EIF2AK4: variants seen among roughly 807,000 people sequenced by gnomAD.
EIF2AK4 encodes the protein eIF-2-alpha kinase GCN2.
Under a neutral mutation model 211.1 loss-of-function variants are expected in EIF2AK4, and 139 were observed. The ratio of observed to expected loss-of-function variants is 0.66; its 90% CI spans 0.57 to 0.76. The LOEUF is 0.76. EIF2AK4 is among the 30% of genes least tolerant of loss of function. EIF2AK4 has a pLI of 0.00. For synonymous variants in EIF2AK4, 710 were observed against 751.3 expected, an observed-to-expected ratio of 0.94 and a Z score of 0.90; for missense variants, 1,664 against 2,043.8, an observed-to-expected ratio of 0.81 and a Z score of 3.58.
chr15:39,998,788 A>C lies in EIF2AK4; in HGVS notation c.2922+4A>C, dbSNP rs538944963. The C allele has an allele frequency of 7.4e-5, 119 of 1,610,454 alleles. 1 individual carries two copies. The East Asian group carries it at 1.9e-3, about 25-fold the overall frequency. ...CGATGGAGAGCATGCAAAGCAGGTA[A>C]TTTTCTGATGCGTCAATTACTATGT... On this transcript the variant is annotated splice_donor_region_variant and intron_variant, in intron 20 of 38. Coordinates refer to ENST00000263791, the MANE Select transcript of EIF2AK4 (RefSeq NM_001013703.4).
chr15:40,000,877 C>A, intron 20 of EIF2AK4, 111 bp from the exon 21 acceptor site: 2 of 1,048,768 alleles, frequency 1.9e-6, no homozygotes, highest in Non-Finnish European at 1.4e-6. Flanking sequence ...CAGTTAAGTG[C>A]AAGAATAGTG....
chr15:40,000,838 TA>T lies in EIF2AK4; in HGVS notation c.2923-148del. ...TGTGGTCATAATAAAGCAGAAAAAA[TA>T]ATGACCTATTCAGAAATTTCAGAAT... On this transcript the variant is annotated intron_variant, in intron 20 of 38. Coordinates refer to ENST00000263791, the MANE Select transcript of EIF2AK4 (RefSeq NM_001013703.4). The T allele has an allele frequency of 1.3e-5, 5 of 370,958 alleles. 1 individual carries two copies. Among genetic ancestry groups the T allele is most frequent in the Non-Finnish European group, 1.4e-5 (3 of 217,066 alleles). 23.0% of individuals were successfully genotyped at this position (370,958 alleles called of 1,614,324 possible). A position where few individuals can be genotyped will look rare whatever the true frequency, so the allele number is the denominator to read the frequency against.
rs1267154409 is a variant in EIF2AK4, at chr15:39,988,051, A to G, written c.2472A>G (p.Arg824=). Residue 824 remains arginine (R), a synonymous_variant, in exon 15 of 39, where the codon AGA becomes AGG. Coordinates refer to ENST00000263791, the MANE Select transcript of EIF2AK4 (RefSeq NM_001013703.4). ...AGGGACTGTATCGAGACACCGTCAGACTCTGGAGGCTTTTTCGAGAGATTC... is the reference window on the plus strand; with the variant it reads ...AGGGACTGTATCGAGACACCGTCAGGCTCTGGAGGCTTTTTCGAGAGATTC... ...IDQGLYRDTV[R]LWRLFREILD... 1.2e-6 allele frequency: 2 copies of G among 1,614,112 alleles called. No individual in the cohort carries two copies. The highest frequency in any genetic ancestry group is 1.7e-5 in the Admixed American group (1 of 60,008).
In EIF2AK4 at chr15:40,008,319, A is replaced by G. The variant is rs558787177; in HGVS notation, c.3576+124A>G. 5.7e-5 allele frequency: 50 copies of G among 872,420 alleles called. No homozygotes were observed. The Admixed American group carries it at 9.0e-4, about 16-fold the overall frequency. The allele number at this position is 872,420 out of a possible 1,614,324, so 54.0% of individuals were successfully genotyped here. A position where few individuals can be genotyped will look rare whatever the true frequency, so the allele number is the denominator to read the frequency against. Reference sequence around the variant, plus strand: ...CCTGCAGATGAATCACATCTTTACTAAAGTAACTGAGAAGAGCTTGCTGGT... The same window carrying G: ...CCTGCAGATGAATCACATCTTTACTGAAGTAACTGAGAAGAGCTTGCTGGT... On this transcript the variant is annotated intron_variant, in intron 25 of 38. Transcript: ENST00000263791.
chr15:39,974,950 G>C (rs1319346078), intron 11 of EIF2AK4: 1 of 152,180 alleles, frequency 6.6e-6, no homozygotes, highest in African/African-American at 2.4e-5. Flanking sequence ...GGGGTTTCCA[G>C]TATAGCAAGC....
intron 6 of EIF2AK4, among the ~76,000 whole-genome samples, chr15:39,960,965 A>C (rs896803582): frequency 1.3e-5 from 2 of 152,226 alleles, no homozygotes; most frequent in African/African-American, 4.8e-5. Flanking sequence ...AGATCTGTCC[A>C]TGCACGTCAT....
chr15:40,030,398 T>C lies in EIF2AK4; in HGVS notation c.4601T>C (p.Val1534Ala). ...EIHGATVVPIVSVLAPEKLSA... is the reference protein window; with the variant it reads ...EIHGATVVPIASVLAPEKLSA... ...CATGGAGCAACAGTGGTTCCCATTG[T>C]GAGTGTGCTAGCCCCGGAGAAGCTG... The change falls in exon 35 of 39, where the codon GTG becomes GCG. Residue 1534 changes from valine to alanine, a missense_variant. Physicochemically the swap from Val to Ala is moderately conservative, Grantham distance 64 (BLOSUM62 0). This residue lies in a region of EIF2AK4 where 138 missense variants were observed against 165.1 expected (regional missense o/e 0.84). Coordinates refer to ENST00000263791, the MANE Select transcript of EIF2AK4 (RefSeq NM_001013703.4). The C allele has an allele frequency of 6.2e-7, 1 of 1,614,180 alleles. No individual in the cohort carries two copies. Among genetic ancestry groups the C allele is most frequent in the Non-Finnish European group, 8.5e-7 (1 of 1,180,022 alleles).
chr15:40,031,789 A>C (rs952605078), intron 35 of EIF2AK4, among the ~76,000 whole-genome samples: 2 of 151,678 alleles, frequency 1.3e-5, no homozygotes, highest in Admixed American at 1.3e-4. Flanking sequence ...GCAGTGGTGC[A>C]ACATCAGCTC....
At chr15:40,025,923 A>C in intron 32 of EIF2AK4, 54 bp from the exon 33 acceptor site, 1 of 1,534,296 alleles carries the variant, frequency 6.5e-7, no homozygotes, top group Non-Finnish European at 9.0e-7. Context: ...GCTCTGAGCT[A>C]GTCTTCTGGG....
intron 23 of EIF2AK4, among the ~76,000 whole-genome samples, chr15:40,006,754 T>A (rs371632848): frequency 7.6e-4 from 116 of 152,050 alleles, no homozygotes; most frequent in Non-Finnish European, 1.1e-3. Context: ...AAGTGAATTT[T>A]AAAAAAAACC....
At chr15:40,015,180 G>C (rs961914271) in intron 27 of EIF2AK4, among the ~76,000 whole-genome samples, 2 of 152,088 alleles carry the variant, frequency 1.3e-5, no homozygotes, top group African/African-American at 2.4e-5. Flanking sequence ...TCCAACCTCT[G>C]CCTGTTACCC....
chr15:39,992,940 T>C, intron 18 of EIF2AK4, 92 bp downstream of exon 18: 1 of 1,233,316 alleles, frequency 8.1e-7, no homozygotes. Flanking sequence ...GCTAAAATAG[T>C]CAAGACATCC....
Position 40,000,977 on chromosome 15 carries a change from T to G in EIF2AK4, c.2923-11T>G. The G allele has an allele frequency of 6.2e-7, 1 of 1,613,814 alleles. No homozygotes were observed. On this transcript the variant is annotated splice_polypyrimidine_tract_variant and intron_variant, in intron 20 of 38. Transcript: ENST00000263791. ...GCATCCCATTAGCAGTGTGCCTGGG[T>G]TTTATTGTAGAAATCAGTCATCTCC...
In EIF2AK4 at chr15:39,960,951, C is replaced by T. The variant is rs1175469465; in HGVS notation, c.744-833C>T. ...TGCTGAGAATGAGAGGGTGATCTCT[C>T]TAGAGATCTGTCCATGCACGTCATC... On this transcript the variant is annotated intron_variant, in intron 6 of 38. Coordinates refer to ENST00000263791, the MANE Select transcript of EIF2AK4 (RefSeq NM_001013703.4). Among the ~76,000 whole-genome samples the T allele has an allele frequency of 2.0e-5, 3 of 152,152 alleles. No homozygotes were observed. In the East Asian group the frequency reaches 5.8e-4, roughly 29 times the overall value.
chr15:39,982,100 A>G (rs1420420272), intron 13 of EIF2AK4, among the ~76,000 whole-genome samples: 1 of 151,812 alleles, frequency 6.6e-6, no homozygotes, highest in Non-Finnish European at 1.5e-5. Context: ...AATTTTTTGT[A>G]TTTTTAGTAG....
At chr15:39,986,771 C>T (rs2034871545) in intron 14 of EIF2AK4, among the ~76,000 whole-genome samples, 1 of 152,202 alleles carries the variant, frequency 6.6e-6, no homozygotes, top group East Asian at 1.9e-4. Context: ...AGGAGAATCA[C>T]TTGAACCCAG....
chr15:39,955,816 AT>A, intron 6 of EIF2AK4, 48 bp downstream of exon 6: 1 of 1,527,326 alleles, frequency 6.5e-7, no homozygotes, highest in South Asian at 1.3e-5. Flanking sequence ...ATGTAGAAGG[AT>A]TTTACTACAT....
intron 3 of EIF2AK4, among the ~76,000 whole-genome samples, chr15:39,947,251 A>G (rs1566981832): frequency 6.6e-6 from 1 of 152,220 alleles, no homozygotes; most frequent in Non-Finnish European, 1.5e-5. Context: ...TTCAAGTAAA[A>G]TAGAGTATAA....
intron 2 of EIF2AK4, among the ~76,000 whole-genome samples, chr15:39,942,248 T>A (rs898652605): frequency 1.3e-5 from 2 of 152,208 alleles, no homozygotes; most frequent in East Asian, 1.9e-4. Flanking sequence ...CGGGTTAGAT[T>A]CTGGAATTCT....
Sources: allele counts gnomAD v4.1 joint callset (sites outside exome capture counted in the v4.1 genomes callset), GRCh38; gene constraint gnomAD v4.1.1; regional missense constraint gnomAD v4.1.1; transcripts MANE v1.5; gene names NCBI Gene and HGNC (gene_info 2026-07-23, HGNC 2026-07-21).